The following TDRD5 variants were observed in gnomAD, a reference collection of about 807,000 sequenced individuals.
TDRD5 encodes the protein tudor domain-containing protein 5.
TDRD5 carries 41 observed loss-of-function variants against 120.6 expected under a neutral mutation model. The observed-to-expected ratio is 0.34, with a 90% CI of 0.26 to 0.44. The LOEUF (loss-of-function observed/expected upper bound fraction) is 0.44. Ranked by LOEUF, TDRD5 falls within the 20% of genes least tolerant of loss-of-function variation. The pLI is 1.00. For synonymous variants in TDRD5, 430 were observed against 433.7 expected, an observed-to-expected ratio of 0.99 and a Z score of 0.11; for missense variants, 1,006 against 1,221.2, an observed-to-expected ratio of 0.82 and a Z score of 2.63.
At chr1:179,628,925 G>GTTT (rs756669688) in intron 6 of TDRD5, among the ~76,000 whole-genome samples, 2 of 151,986 alleles carry the variant, frequency 1.3e-5, no homozygotes, top group African/African-American at 2.4e-5. Context: ...GGAATTTGTT[G>GTTT]TTGTTGTTGT....
chr1:179,688,517 T>C (rs1362239699), intron 17 of TDRD5, among the ~76,000 whole-genome samples: 1 of 152,232 alleles, frequency 6.6e-6, no homozygotes, highest in African/African-American at 2.4e-5. Context: ...CTGACAATTA[T>C]GTTTCTTGGA....
intron 4 of TDRD5, among the ~76,000 whole-genome samples, chr1:179,608,692 T>C (rs190173227): frequency 3.9e-5 from 6 of 152,226 alleles, no homozygotes; most frequent in Admixed American, 3.9e-4. Context: ...TTGTAATAAC[T>C]GTTTTAGAGG....
chr1:179,616,224 A>G (rs1414740444), intron 4 of TDRD5, among the ~76,000 whole-genome samples: 1 of 152,058 alleles, frequency 6.6e-6, no homozygotes, highest in African/African-American at 2.4e-5. Context: ...AGCTTTTATA[A>G]TTGATTAAAA....
At chr1:179,668,284 A>C (rs1572422049) in intron 16 of TDRD5, among the ~76,000 whole-genome samples, 1 of 152,118 alleles carries the variant, frequency 6.6e-6, no homozygotes. Context: ...GCCTCCTTTC[A>C]TGGCTAGCTG....
chr1:179,683,382 C>G (rs1558429930), intron 17 of TDRD5, among the ~76,000 whole-genome samples: 1 of 152,254 alleles, frequency 6.6e-6, no homozygotes, highest in East Asian at 1.9e-4. Flanking sequence ...GTCACGTGTT[C>G]CTGCTTTTCA....
At chr1:179,609,779 T>G (rs1312439343) in intron 4 of TDRD5, among the ~76,000 whole-genome samples, 1 of 152,188 alleles carries the variant, frequency 6.6e-6, no homozygotes, top group Admixed American at 6.5e-5. Context: ...TGTTGCTTCT[T>G]GTTTGTTTCT....
At chr1:179,629,753 CTA>C (rs1677331231) in intron 6 of TDRD5, among the ~76,000 whole-genome samples, 1 of 151,174 alleles carries the variant, frequency 6.6e-6, no homozygotes, top group Non-Finnish European at 1.5e-5. Context: ...ATGAGTGAAA[CTA>C]AAACAATGTT....
rs746071035 is a variant in TDRD5 at position 179,652,163 on chromosome 1, G to A, written c.2126G>A (p.Ser709Asn). The change falls in exon 13 of 18, where the codon AGT (serine) becomes AAT (asparagine). Residue 709 changes from serine (S) to asparagine (N), a missense_variant. Around this residue, in one of 3 missense-constraint regions of TDRD5, gnomAD observed 403 missense variants for 448.1 expected, o/e 0.90. Transcript: ENST00000444136. ...TATTTTAATGAAGACCGAAAGATAA[G>A]TCCACAGTCAAAAGAGAGTGAGTTA... Reference protein sequence around the residue: ...QHYFNEDRKISPQSKESELRI... With the variant: ...QHYFNEDRKINPQSKESELRI... 2 of 1,613,296 alleles carry A rather than the reference G, an allele frequency of 1.2e-6. No homozygotes were observed. The highest frequency in any genetic ancestry group is 2.2e-5 in the South Asian group (2 of 90,734).
At chr1:179,673,383 CT>C (rs1679956738) in intron 17 of TDRD5, among the ~76,000 whole-genome samples, 1 of 152,076 alleles carries the variant, frequency 6.6e-6, no homozygotes, top group Non-Finnish European at 1.5e-5. Context: ...AGTTTGTGAA[CT>C]CAGAAAATCT....
At chr1:179,666,064 A>G (rs1323504146) in intron 16 of TDRD5, among the ~76,000 whole-genome samples, 1 of 152,184 alleles carries the variant, frequency 6.6e-6, no homozygotes, top group Non-Finnish European at 1.5e-5. Context: ...TTCATCCCCT[A>G]TGTAGACAAA....
At chr1:179,666,462 T>C (rs1225767083) in intron 16 of TDRD5, among the ~76,000 whole-genome samples, 1 of 152,228 alleles carries the variant, frequency 6.6e-6, no homozygotes, top group East Asian at 1.9e-4. Flanking sequence ...GTTTTAACCT[T>C]ACAGTACCTG....
In TDRD5 at chr1:179,621,422, G is replaced by T. The variant is rs182621493; in HGVS notation, c.972+331G>T. On this transcript the variant is annotated intron_variant, in intron 6 of 17. Transcript: ENST00000444136. Reference sequence around the variant, plus strand: ...CTGCTTGTGGGACAAAATGCTCTTAGGGAGCATTTTGGCATTATCAAGTAA... The same window carrying T: ...CTGCTTGTGGGACAAAATGCTCTTATGGAGCATTTTGGCATTATCAAGTAA... Among the ~76,000 whole-genome samples the T allele has an allele frequency of 2.2e-3, 334 of 152,112 alleles. 6 individuals carry two copies. The highest frequency in any genetic ancestry group is 7.6e-3 in the African/African-American group (315 of 41,502).
chr1:179,664,424 C>A (rs1679462048), intron 16 of TDRD5, among the ~76,000 whole-genome samples: 1 of 152,036 alleles, frequency 6.6e-6, no homozygotes, highest in Non-Finnish European at 1.5e-5. Context: ...ATATTTTCAT[C>A]ACGCTCTCAA....
chr1:179,631,912 C>CT (rs1163945458), intron 7 of TDRD5, among the ~76,000 whole-genome samples: 680 of 20,640 alleles, frequency 0.033, 3 homozygotes, highest in African/African-American at 0.086. Flanking sequence ...TTTTTCTTTT[C>CT]TTTTTTTTTT....
intron 11 of TDRD5, among the ~76,000 whole-genome samples, chr1:179,648,788 T>TA (rs34286152): frequency 1.3e-4 from 19 of 151,594 alleles, no homozygotes; most frequent in African/African-American, 4.1e-4. Flanking sequence ...TAAAAAACAA[T>TA]AAAAAAAATA....
chr1:179,662,238 C>T lies in TDRD5; in HGVS notation c.2457C>T (p.Ser819=), dbSNP rs763691989. 3 of 1,610,660 alleles carry T rather than the reference C, an allele frequency of 1.9e-6. No individual in the cohort carries two copies. The highest frequency in any genetic ancestry group is 2.5e-6 in the Non-Finnish European group (3 of 1,178,844). Residue 819 remains serine (S), a synonymous_variant, in exon 15 of 18, where the codon AGC becomes AGT. Coordinates refer to ENST00000444136, the MANE Select transcript of TDRD5 (RefSeq NM_001199085.3). ...CTGCCTCCCATCTATTTACTGCAAG[C>T]CTTGGTGGAAAGAATCAGTATTCAT... The part of the protein sequence containing the change: ...GDAASHLFTA[S]LGGKNQYSSC...
At chr1:179,674,131 C>T (rs1017508796) in intron 17 of TDRD5, among the ~76,000 whole-genome samples, 3 of 152,158 alleles carry the variant, frequency 2.0e-5, no homozygotes, top group African/African-American at 7.2e-5. Flanking sequence ...TTCCATTTCT[C>T]AGGGGGAATG....
chr1:179,682,007 CTG>C (rs1335608600), intron 17 of TDRD5, among the ~76,000 whole-genome samples: 1 of 37,470 alleles, frequency 2.7e-5, no homozygotes, highest in African/African-American at 8.9e-5. Flanking sequence ...GAAAAACACA[CTG>C]AATTAGAAAC....
Position 179,690,982 on chromosome 1 carries a change from C to T in TDRD5, c.*39C>T, listed in dbSNP as rs1681121444. 1 of 1,580,116 alleles carries T rather than the reference C, an allele frequency of 6.3e-7. No individual in the cohort carries two copies. The highest frequency in any genetic ancestry group is 1.8e-5 in the Admixed American group (1 of 55,518). ...GAGGGAGAAAAACAGAATCCAGCCG[C>T]TTAGGCTTTGATGAACTCCCAGGCC... On this transcript the variant is annotated 3_prime_UTR_variant, in exon 18 of 18. Transcript: ENST00000444136.
Sources: allele counts gnomAD v4.1 joint callset (sites outside exome capture counted in the v4.1 genomes callset), GRCh38; gene constraint gnomAD v4.1.1; regional missense constraint gnomAD v4.1.1; transcripts MANE v1.5; gene names NCBI Gene and HGNC (gene_info 2026-07-23, HGNC 2026-07-21).